The following ADGRL2 variants were observed in gnomAD, a reference collection of about 807,000 sequenced individuals.
ADGRL2 encodes the protein calcium-independent alpha-latrotoxin receptor 2.
Under a neutral mutation model 157.4 loss-of-function variants are expected in ADGRL2, and 44 were observed. That is an observed-to-expected ratio of 0.28 (90% confidence interval 0.22 to 0.36). The LOEUF is 0.36. Among genes scored for constraint, ADGRL2 ranks in the 10% least tolerant of loss-of-function variants. The pLI, the probability that ADGRL2 is intolerant of heterozygous loss-of-function variation, is 1.00. For missense variants in ADGRL2, 1,510 were observed against 1,768.9 expected (o/e 0.85, Z 2.63); for synonymous variants, 585 against 624.7 (o/e 0.94, Z 0.95).
At chr1:81,525,892 T>C (rs182724960) in intron 2 of ADGRL2, among the ~76,000 whole-genome samples, 1 of 152,324 alleles carries the variant, frequency 6.6e-6, no homozygotes, top group East Asian at 1.9e-4. Flanking sequence ...CATGGATTGA[T>C]ATTTATTTGA....
At chr1:81,353,473 C>A (rs1332029746) in intron 1 of ADGRL2, among the ~76,000 whole-genome samples, 5 of 152,058 alleles carry the variant, frequency 3.3e-5, no homozygotes, top group Non-Finnish European at 7.4e-5. Context: ...AGAAAAGATG[C>A]AGATTCAGGG....
intron 1 of ADGRL2, among the ~76,000 whole-genome samples, chr1:81,351,107 G>A (rs150505670): frequency 1.9e-3 from 292 of 152,172 alleles, no homozygotes; most frequent in African/African-American, 6.6e-3. Context: ...TTTAAGGGTC[G>A]CTTAGCATTT....
chr1:81,359,075 A>T (rs188688294), intron 1 of ADGRL2, among the ~76,000 whole-genome samples: 20 of 150,766 alleles, frequency 1.3e-4, no homozygotes, highest in African/African-American at 4.5e-4. Flanking sequence ...TTTAAAATTT[A>T]AAAAAAATTA....
intron 1 of ADGRL2, among the ~76,000 whole-genome samples, chr1:81,440,125 G>T (rs2077480651): frequency 6.6e-6 from 1 of 152,192 alleles, no homozygotes; most frequent in Non-Finnish European, 1.5e-5. Flanking sequence ...GAAAGGGTAG[G>T]TATATGTAAA....
intron 1 of ADGRL2, among the ~76,000 whole-genome samples, chr1:81,705,318 A>C (rs1049482622): frequency 6.6e-6 from 1 of 152,184 alleles, no homozygotes; most frequent in Non-Finnish European, 1.5e-5. Context: ...GGCATGAGCC[A>C]CCACGCCCAG....
chr1:81,532,360 G>A (rs1252822223), intron 2 of ADGRL2, among the ~76,000 whole-genome samples: 6 of 152,158 alleles, frequency 3.9e-5, no homozygotes, highest in Non-Finnish European at 8.8e-5. Flanking sequence ...AGGAATCCTG[G>A]AAATAATGAT....
intron 2 of ADGRL2, among the ~76,000 whole-genome samples, chr1:81,850,070 A>G (rs1571658838): frequency 6.6e-6 from 1 of 151,974 alleles, no homozygotes; most frequent in East Asian, 1.9e-4. Context: ...CACTACAAAC[A>G]GCCACATTAA....
intron 2 of ADGRL2, among the ~76,000 whole-genome samples, chr1:81,894,882 G>A (rs1442135594): frequency 1.3e-5 from 2 of 152,048 alleles, no homozygotes; most frequent in Non-Finnish European, 2.9e-5. Flanking sequence ...AAGCATGCAG[G>A]AGGAAAGACA....
intron 2 of ADGRL2, among the ~76,000 whole-genome samples, chr1:81,484,887 G>A (rs949518131): frequency 1.3e-5 from 2 of 152,088 alleles, no homozygotes; most frequent in Non-Finnish European, 2.9e-5. Flanking sequence ...GTTAGTATAA[G>A]CAAATGAGAG....
rs57360565 is a variant in ADGRL2, at chr1:81,501,811, A to AGCAGCAGCAGCAGCAG, written c.-248+56722_-248+56723insGCAGCAGCAGCAGCAG. 5.5e-5 allele frequency: 86 copies of AGCAGCAGCAGCAGCAG among 1,558,472 alleles called. 1 individual carries two copies. The highest frequency in any genetic ancestry group is 4.0e-4 in the African/African-American group (26 of 64,900). On this transcript the variant is annotated intron_variant, in intron 2 of 24. Coordinates refer to the ADGRL2 transcript ENST00000370721. The stretch of plus-strand genomic sequence containing the variant: ...AGCAGCAGCAGCAGCAGCAGCAGCA[A>AGCAGCAGCAGCAGCAG]CAGCAGCAGCAACAGAAGCAGCCAC...
intron 2 of ADGRL2, among the ~76,000 whole-genome samples, chr1:81,497,911 A>C (rs1370763178): frequency 1.3e-5 from 2 of 152,250 alleles, no homozygotes; most frequent in Non-Finnish European, 2.9e-5. Flanking sequence ...GACTGCTGAC[A>C]GAATAGGTAT....
intron 3 of ADGRL2, among the ~76,000 whole-genome samples, chr1:81,936,055 A>G (rs957630836): frequency 2.6e-5 from 4 of 151,976 alleles, no homozygotes; most frequent in African/African-American, 4.8e-5. Context: ...CTATGAATAG[A>G]AAGAGTAACA....
intron 3 of ADGRL2, among the ~76,000 whole-genome samples, chr1:81,691,494 T>A (rs2083332216): frequency 6.6e-6 from 1 of 152,022 alleles, no homozygotes; most frequent in African/African-American, 2.4e-5. Context: ...CTATTAGTTT[T>A]CTTTTTAGGA....
intron 2 of ADGRL2, among the ~76,000 whole-genome samples, chr1:81,490,340 C>T (rs1022912068): frequency 3.3e-5 from 5 of 152,134 alleles, no homozygotes; most frequent in Admixed American, 6.5e-5. Context: ...ACATGTTAGT[C>T]AGGCTGGTCT....
At chr1:81,918,617 G>A (rs2094912493) in intron 3 of ADGRL2, among the ~76,000 whole-genome samples, 1 of 152,104 alleles carries the variant, frequency 6.6e-6, no homozygotes, top group Non-Finnish European at 1.5e-5. Context: ...GAGCAGTGTA[G>A]CAAGCACGAG....
intron 2 of ADGRL2, among the ~76,000 whole-genome samples, chr1:81,846,817 A>G (rs2092808908): frequency 6.6e-6 from 1 of 151,960 alleles, no homozygotes; most frequent in African/African-American, 2.4e-5. Flanking sequence ...TCCTTATTTT[A>G]GTTACACATT....
At chr1:81,396,650 C>A (rs1349451694) in intron 1 of ADGRL2, among the ~76,000 whole-genome samples, 1 of 152,086 alleles carries the variant, frequency 6.6e-6, no homozygotes, top group African/African-American at 2.4e-5. Flanking sequence ...TGGTCTTTAT[C>A]GTGTTGAGGT....
At chr1:81,763,930 C>G (rs1296900876) in intron 2 of ADGRL2, among the ~76,000 whole-genome samples, 1 of 150,134 alleles carries the variant, frequency 6.7e-6, no homozygotes, top group African/African-American at 2.5e-5. Flanking sequence ...CGCTTGAACC[C>G]AGGAGGCGGA....
intron 3 of ADGRL2, among the ~76,000 whole-genome samples, chr1:81,649,009 AG>A (rs2082362995): frequency 6.6e-6 from 1 of 152,160 alleles, no homozygotes; most frequent in Non-Finnish European, 1.5e-5. Flanking sequence ...AAACCATGCC[AG>A]GGTGGTGAAG....
Sources: allele counts gnomAD v4.1 joint callset (sites outside exome capture counted in the v4.1 genomes callset), GRCh38; gene constraint gnomAD v4.1.1; transcripts MANE v1.5; gene names NCBI Gene and HGNC (gene_info 2026-07-23, HGNC 2026-07-21).